ZDHHC21: variants seen among roughly 807,000 people sequenced by gnomAD.
ZDHHC21 encodes the protein zDHHC palmitoyltransferase 21, also known as palmitoyltransferase ZDHHC21.
ZDHHC21 carries 15 observed loss-of-function variants against 34.6 expected under a neutral mutation model. The ratio of observed to expected loss-of-function variants is 0.43; its 90% CI spans 0.29 to 0.67. ZDHHC21 has a LOEUF of 0.67. Among genes scored for constraint, ZDHHC21 ranks in the 30% least tolerant of loss-of-function variants. ZDHHC21 has a pLI of 0.14. For missense variants in ZDHHC21, 344 were observed against 327.7 expected, an observed-to-expected ratio of 1.05 and a Z score of -0.38; for synonymous variants, 142 against 101.8, an observed-to-expected ratio of 1.40 and a Z score of -2.38.
chr9:14,608,660 A>G (rs1403594393), downstream of ZDHHC21, among the ~76,000 whole-genome samples: 1 of 147,366 alleles, frequency 6.8e-6, no homozygotes, highest in Non-Finnish European at 1.5e-5. Flanking sequence ...GCTTAGATGT[A>G]TTTTTTTTTT....
At chr9:14,641,498 A>G (rs1829369060) in intron 7 of ZDHHC21, among the ~76,000 whole-genome samples, 1 of 152,212 alleles carries the variant, frequency 6.6e-6, no homozygotes, top group Non-Finnish European at 1.5e-5. Context: ...ATTCTTATGC[A>G]TACTTTTATC....
intron 8 of ZDHHC21, chr9:14,622,668 G>A (rs1405207552): frequency 1.0e-6 from 1 of 985,040 alleles, no homozygotes; most frequent in Non-Finnish European, 1.2e-6. Context: ...GAGAAAGAAT[G>A]TGCTGAAGAG....
chr9:14,623,263 A>G (rs938961017), intron 8 of ZDHHC21, among the ~76,000 whole-genome samples: 5 of 152,204 alleles, frequency 3.3e-5, no homozygotes, highest in Admixed American at 3.3e-4. Context: ...CAGTAATTAC[A>G]GGACTTTGGG....
At chr9:14,665,851 C>T (rs1017044708) in intron 5 of ZDHHC21, among the ~76,000 whole-genome samples, 7 of 149,814 alleles carry the variant, frequency 4.7e-5, no homozygotes, top group African/African-American at 1.2e-4. Flanking sequence ...GAAGGAAGCG[C>T]TAAACATGGA....
At chr9:14,631,770 G>A (rs1304559539) in intron 8 of ZDHHC21, among the ~76,000 whole-genome samples, 3 of 152,122 alleles carry the variant, frequency 2.0e-5, no homozygotes, top group Non-Finnish European at 4.4e-5. Context: ...AGAGATAGAG[G>A]AATGGCCAGT....
intron 6 of ZDHHC21, among the ~76,000 whole-genome samples, chr9:14,660,144 T>C (rs1171627131): frequency 6.6e-6 from 1 of 152,040 alleles, no homozygotes; most frequent in African/African-American, 2.4e-5. Flanking sequence ...GGGGAGCAGA[T>C]CACCTGAGGT....
chr9:14,642,485 C>T (rs1433274007), intron 7 of ZDHHC21, among the ~76,000 whole-genome samples: 1 of 152,130 alleles, frequency 6.6e-6, no homozygotes, highest in African/African-American at 2.4e-5. Context: ...TATGTTGAAG[C>T]CCTAACCCCT....
intron 2 of ZDHHC21, among the ~76,000 whole-genome samples, chr9:14,688,490 T>G (rs1838687518): frequency 6.7e-6 from 1 of 149,946 alleles, no homozygotes. Context: ...GGGAGGTGAG[T>G]AGGGGTAGGA....
intron 3 of ZDHHC21, 65 bp from the exon 4 acceptor site, chr9:14,674,450 T>C: frequency 9.8e-7 from 1 of 1,022,644 alleles, no homozygotes; most frequent in Non-Finnish European, 1.4e-6. Flanking sequence ...CCTGTATTTC[T>C]GGCAACTTTT....
intron 5 of ZDHHC21, among the ~76,000 whole-genome samples, chr9:14,671,854 A>C (rs1048666852): frequency 6.6e-6 from 1 of 152,152 alleles, no homozygotes; most frequent in Non-Finnish European, 1.5e-5. Flanking sequence ...AACTTGAATA[A>C]AATTTCATAA....
At chr9:14,664,198 A>T (rs914032769) in intron 5 of ZDHHC21, among the ~76,000 whole-genome samples, 13 of 146,000 alleles carry the variant, frequency 8.9e-5, no homozygotes, top group African/African-American at 3.2e-4. Context: ...CTCACTCGGG[A>T]AGCGCAAGGG....
chr9:14,632,064 A>C (rs3081747), intron 8 of ZDHHC21, among the ~76,000 whole-genome samples: 37,465 of 134,916 alleles, frequency 0.28, 4,716 homozygotes, highest in African/African-American at 0.34. Context: ...AACACACACA[A>C]ACACACACAC....
At chr9:14,650,438 A>C (rs1474891212) in intron 7 of ZDHHC21, among the ~76,000 whole-genome samples, 1 of 151,974 alleles carries the variant, frequency 6.6e-6, no homozygotes, top group African/African-American at 2.4e-5. Flanking sequence ...AAAATCTAAA[A>C]AGCTAAATGT....
chr9:14,628,851 C>T (rs537313107), intron 8 of ZDHHC21, among the ~76,000 whole-genome samples: 3 of 152,166 alleles, frequency 2.0e-5, no homozygotes, highest in East Asian at 3.9e-4. Flanking sequence ...TTAATTCATT[C>T]GATTTAAAAT....
chr9:14,602,908 CAG>C, the ZDHHC21 span, among the ~76,000 whole-genome samples: 4 of 94,764 alleles, frequency 4.2e-5, no homozygotes, highest in Admixed American at 3.4e-4. Flanking sequence ...GCCTGGAAAA[CAG>C]AGAGAGAGAC....
chr9:14,673,992 T>C (rs1359969929), intron 4 of ZDHHC21, among the ~76,000 whole-genome samples, 195 bp downstream of exon 4: 1 of 152,054 alleles, frequency 6.6e-6, no homozygotes, highest in African/African-American at 2.4e-5. Flanking sequence ...AATGGAGATA[T>C]CACTTTTATC....
chr9:14,679,682 C>T (rs547593468), intron 3 of ZDHHC21, among the ~76,000 whole-genome samples: 70 of 152,214 alleles, frequency 4.6e-4, no homozygotes, highest in African/African-American at 1.5e-3. Flanking sequence ...TACAAACTAA[C>T]TGTTTAATTT....
downstream of ZDHHC21, among the ~76,000 whole-genome samples, chr9:14,608,279 C>T (rs562788579): frequency 2.0e-5 from 3 of 152,184 alleles, no homozygotes; most frequent in Admixed American, 6.5e-5. Context: ...GGTACTCAAA[C>T]ATTCAGTTAT....
the ZDHHC21 span, among the ~76,000 whole-genome samples, chr9:14,605,200 TTTCA>T: frequency 9.2e-6 from 1 of 108,298 alleles, no homozygotes; most frequent in African/African-American, 3.0e-5. Context: ...CAGATCCTGG[TTTCA>T]TTTTTTTTTT....
Sources: gnomAD v4.1 joint callset for allele counts (sites outside exome capture counted in the v4.1 genomes callset) on GRCh38, gnomAD v4.1.1 for gene constraint, MANE v1.5 for transcripts, NCBI Gene and HGNC (gene_info 2026-07-23, HGNC 2026-07-21) for gene names.